Variants in DNAH12 observed in about 807,000 individuals in gnomAD.
DNAH12 encodes axonemal beta dynein heavy chain 12.
DNAH12 carries 285 observed loss-of-function variants against 371.5 expected under a neutral mutation model. The ratio of observed to expected loss-of-function variants is 0.77; its 90% CI spans 0.70 to 0.85. The LOEUF is 0.85. Ranked by LOEUF, DNAH12 falls within the 40% of genes least tolerant of loss-of-function variation. The probability of loss-of-function intolerance (pLI) is 0.00; values close to 1 mark genes in which losing one functional copy is unlikely to be tolerated. For synonymous variants in DNAH12, 1,200 were observed against 1,213.0 expected (o/e 0.99, Z 0.22); for missense variants, 3,611 against 3,689.4 (o/e 0.98, Z 0.55).
chr3:57,536,775 G>T (rs1179993146), intron 2 of DNAH12, among the ~76,000 whole-genome samples: 1 of 152,200 alleles, frequency 6.6e-6, no homozygotes, highest in South Asian at 2.1e-4. Flanking sequence ...CCTGACTTCC[G>T]GTTCTTTATA....
chr3:57,310,281 C>T (rs1575432079), intron 67 of DNAH12, among the ~76,000 whole-genome samples: 1 of 152,178 alleles, frequency 6.6e-6, no homozygotes. Context: ...CAATTTATCA[C>T]CCTCTGTTAA....
At chr3:57,325,737 T>C (rs944908174) in intron 62 of DNAH12, among the ~76,000 whole-genome samples, 7 of 151,930 alleles carry the variant, frequency 4.6e-5, no homozygotes, top group African/African-American at 1.5e-4. Flanking sequence ...CTTTGACGAG[T>C]TGAGAGAAGA....
chr3:57,542,783 T>C lies in DNAH12; in HGVS notation c.88A>G (p.Ile30Val), dbSNP rs140930203. 1.8e-4 allele frequency: 283 copies of C among 1,611,846 alleles called. No individual in the cohort carries two copies. Among genetic ancestry groups the C allele is most frequent in the Non-Finnish European group, 2.2e-4 (265 of 1,179,232 alleles). Reference sequence around the variant, plus strand: ...CTTTGTGTTGGTGTATCAACGCCTATGTTTTCTGGGAGATGGACAATGGGG... The same window carrying C: ...CTTTGTGTTGGTGTATCAACGCCTACGTTTTCTGGGAGATGGACAATGGGG... ...LPPIVHLPEN[I>V]GVDTPTQSKL... is the part of the protein sequence containing the mutation. Residue 30 changes from isoleucine (I) to valine (V), a missense_variant, in exon 2 of 74, where the codon ATA (isoleucine) becomes GTA (valine). By Grantham distance (29) the Ile-to-Val change is conservative (BLOSUM62 3). Around this residue, in one of 3 missense-constraint regions of DNAH12, gnomAD observed 1,314 missense variants for 1,398.7 expected, o/e 0.94. Coordinates refer to ENST00000495027, the MANE Select transcript of DNAH12 (RefSeq NM_001366028.2).
At chr3:57,321,538 C>T (rs572742059) in intron 65 of DNAH12, among the ~76,000 whole-genome samples, 53 of 152,182 alleles carry the variant, frequency 3.5e-4, no homozygotes, top group African/African-American at 9.2e-4. Context: ...AGTGACCTAC[C>T]GGACTGGTAA....
chr3:57,429,571 A>AT, intron 33 of DNAH12, 120 bp downstream of exon 33: 1 of 872,478 alleles, frequency 1.1e-6, no homozygotes, highest in East Asian at 2.8e-5. Context: ...ACTGTGTCTT[A>AT]TTCATCTTTA....
At position 57,295,564 on chromosome 3, in the gene DNAH12, G is replaced by A. The variant is rs1232257570; in HGVS notation, c.11653C>T (p.Leu3885Phe). ...ATGATGGGCATCAGGTCAAACAGAA[G>A]TTTGGGATATTGTTCAGCAAGCAAT... is the stretch of plus-strand genomic sequence containing the variant. The part of the protein sequence containing the change: ...SGLLAEQYPK[L>F]LFDLMPIIWI... Residue 3885 changes from leucine (L) to phenylalanine (F), a missense_variant, in exon 73 of 74, where the codon CTT becomes TTT. Leu to Phe is a conservative substitution (Grantham distance 22). This residue lies in a region of DNAH12 where 2,266 missense variants were observed against 2,236.9 expected (regional missense o/e 1.01). Transcript: ENST00000495027. 16 of 1,544,328 alleles carry A rather than the reference G, an allele frequency of 1.0e-5. No homozygotes were observed. Among genetic ancestry groups the A allele is most frequent in the South Asian group, 1.2e-5 (1 of 82,406 alleles).
intron 4 of DNAH12, among the ~76,000 whole-genome samples, chr3:57,513,303 T>C (rs1195031527): frequency 2.0e-5 from 3 of 151,756 alleles, no homozygotes; most frequent in African/African-American, 7.3e-5. Flanking sequence ...CACTCATAAG[T>C]GGGAGGTGAA....
intron 62 of DNAH12, among the ~76,000 whole-genome samples, chr3:57,327,823 A>G (rs1300265759): frequency 2.6e-5 from 4 of 152,258 alleles, no homozygotes; most frequent in Non-Finnish European, 5.9e-5. Flanking sequence ...CAAGACTAAT[A>G]AAGAAAAAAA....
chr3:57,296,235 G>T, intron 72 of DNAH12, 109 bp downstream of exon 72: 1 of 689,810 alleles, frequency 1.4e-6, no homozygotes, highest in Non-Finnish European at 2.3e-6. Context: ...GAGTTCTGAT[G>T]TTATTATTAC....
chr3:57,444,880 T>TCC, intron 28 of DNAH12, 64 bp from the exon 29 acceptor site: 1 of 1,475,742 alleles, frequency 6.8e-7, no homozygotes, highest in Non-Finnish European at 9.0e-7. Context: ...CACTTCTCCC[T>TCC]CCCCTCCCAG....
Position 57,322,376 on chromosome 3 carries a change from A to T in DNAH12, c.10491T>A (p.Pro3497=), listed in dbSNP as rs1208858198. 6.4e-7 allele frequency: 1 copy of T among 1,551,804 alleles called. No individual in the cohort carries two copies. The highest frequency in any genetic ancestry group is 8.7e-7 in the Non-Finnish European group (1 of 1,146,980). ...QSYLTDPVSD[P]EFFKGCRGKE... ...TTCCACGGCATCCCTTGAAAAACTC[A>T]GGATCAGAAACTGGATCAGTGAGAT... The change falls in exon 65 of 74, where the codon CCT becomes CCA. Residue 3497 remains proline (P), a synonymous_variant. Coordinates refer to ENST00000495027, the MANE Select transcript of DNAH12 (RefSeq NM_001366028.2).
intron 60 of DNAH12, among the ~76,000 whole-genome samples, chr3:57,338,762 G>A (rs1397307384): frequency 6.6e-6 from 1 of 151,806 alleles, no homozygotes; most frequent in African/African-American, 2.4e-5. Context: ...GGGATGTGAG[G>A]AGCGCCTCTG....
At chr3:57,474,025 A>G (rs968323005) in intron 13 of DNAH12, among the ~76,000 whole-genome samples, 10 of 152,286 alleles carry the variant, frequency 6.6e-5, no homozygotes, top group East Asian at 5.8e-4. Flanking sequence ...CAAATGTCAT[A>G]CTTAATAGTG....
intron 50 of DNAH12, among the ~76,000 whole-genome samples, chr3:57,382,060 G>T (rs1205698887): frequency 6.6e-6 from 1 of 152,008 alleles, no homozygotes; most frequent in Non-Finnish European, 1.5e-5. Context: ...TTGAGACGGG[G>T]TTTCACCAGG....
At chr3:57,296,523 T>C (rs2061237071) in intron 71 of DNAH12, 88 bp from the exon 72 acceptor site, 2 of 1,009,352 alleles carry the variant, frequency 2.0e-6, no homozygotes, top group Non-Finnish European at 2.9e-6. Flanking sequence ...CAGAACACAT[T>C]CAGGGAAACT....
chr3:57,308,985 A>C (rs1178131984), intron 69 of DNAH12, among the ~76,000 whole-genome samples, 166 bp downstream of exon 69: 5 of 152,052 alleles, frequency 3.3e-5, no homozygotes, highest in Admixed American at 1.3e-4. Context: ...CTAGGTTCCC[A>C]CACCGCCCCT....
Position 57,507,743 on chromosome 3 carries a change from T to C in DNAH12, c.797A>G (p.Lys266Arg). 6.2e-7 allele frequency: 1 copy of C among 1,611,730 alleles called. No individual in the cohort carries two copies. The highest frequency in any genetic ancestry group is 8.5e-7 in the Non-Finnish European group (1 of 1,179,668). The change falls in exon 8 of 74, where the codon AAG (lysine) becomes AGG (arginine). Residue 266 changes from lysine to arginine, a missense_variant. By Grantham distance (26) the Lys-to-Arg change is conservative. Around this residue, in one of 3 missense-constraint regions of DNAH12, gnomAD observed 1,314 missense variants for 1,398.7 expected, o/e 0.94. Coordinates refer to ENST00000495027, the MANE Select transcript of DNAH12 (RefSeq NM_001366028.2). Reference sequence around the variant, plus strand: ...CTTCTTGGTAAAGAGATTTATAACCTTTGGATACCATGTATTCATTATCTT... The same window carrying C: ...CTTCTTGGTAAAGAGATTTATAACCCTTGGATACCATGTATTCATTATCTT... Reference protein sequence around the residue: ...EEKIMNTWYPKVINLFTKKEA... With the variant: ...EEKIMNTWYPRVINLFTKKEA...
At chr3:57,513,754 C>A (rs1419890675) in intron 4 of DNAH12, among the ~76,000 whole-genome samples, 2 of 152,054 alleles carry the variant, frequency 1.3e-5, no homozygotes, top group Non-Finnish European at 2.9e-5. Flanking sequence ...CCTGAGATAC[C>A]ATCTGTCACA....
At chr3:57,398,274 C>T (rs2063785441) in intron 43 of DNAH12, among the ~76,000 whole-genome samples, 3 of 152,022 alleles carry the variant, frequency 2.0e-5, no homozygotes, top group Non-Finnish European at 4.4e-5. Context: ...GAAGGTGGAG[C>T]AAGCCTAAGG....
Sources: gnomAD v4.1 joint callset for allele counts (sites outside exome capture counted in the v4.1 genomes callset) on GRCh38, gnomAD v4.1.1 for gene constraint, gnomAD v4.1.1 regional missense constraint, MANE v1.5 for transcripts, NCBI Gene and HGNC (gene_info 2026-07-23, HGNC 2026-07-21) for gene names.